GDA: variants seen among roughly 807,000 people sequenced by gnomAD.
GDA encodes the protein guanine deaminase.
In GDA, 18 loss-of-function variants were observed where a neutral mutation model predicts 59.6. The ratio of observed to expected loss-of-function variants is 0.30; its 90% CI spans 0.21 to 0.45. The LOEUF is 0.45. Ranked by LOEUF, GDA falls within the 20% of genes least tolerant of loss-of-function variation. The pLI is 1.00. For missense variants in GDA, 427 were observed against 552.3 expected (o/e 0.77, Z 2.27); for synonymous variants, 201 against 201.1 (o/e 1.00, Z 0.00).
chr9:72,258,203 C>T (rs1027610808), downstream of GDA, among the ~76,000 whole-genome samples: 3 of 151,584 alleles, frequency 2.0e-5, no homozygotes, highest in Non-Finnish European at 2.9e-5. Flanking sequence ...GTCTCAGCTG[C>T]TTGGGAGGCT....
chr9:72,236,980 A>C (rs929513582), intron 10 of GDA, among the ~76,000 whole-genome samples: 1 of 151,968 alleles, frequency 6.6e-6, no homozygotes, highest in African/African-American at 2.4e-5. Flanking sequence ...GGGTTTCAAC[A>C]TGTTGGTCAG....
chr9:72,149,822 C>A, intron 1 of GDA, 140 bp downstream of exon 1: 1 of 869,570 alleles, frequency 1.1e-6, no homozygotes, highest in Non-Finnish European at 1.7e-6. Context: ...GAGTCTTTGG[C>A]TCTTGGGCAA....
At chr9:72,136,271 A>C (rs2130633958) in intron 1 of GDA, among the ~76,000 whole-genome samples, 1 of 152,334 alleles carries the variant, frequency 6.6e-6, no homozygotes, top group East Asian at 1.9e-4. Flanking sequence ...TAAATTAACA[A>C]GGCTACAGAA....
chr9:72,192,320 G>A (rs757707878), intron 1 of GDA, among the ~76,000 whole-genome samples: 4 of 125,082 alleles, frequency 3.2e-5, no homozygotes, highest in Non-Finnish European at 6.2e-5. Flanking sequence ...TGCAACTTCT[G>A]CCTCCCGGGT....
intron 10 of GDA, among the ~76,000 whole-genome samples, chr9:72,236,893 C>A (rs1466839637): frequency 6.6e-6 from 1 of 151,504 alleles, no homozygotes; most frequent in Non-Finnish European, 1.5e-5. Flanking sequence ...GATTCTCCTG[C>A]CTCAGCCTCC....
chr9:72,238,126 C>A (rs1839224335), intron 10 of GDA, among the ~76,000 whole-genome samples: 1 of 152,152 alleles, frequency 6.6e-6, no homozygotes, highest in South Asian at 2.1e-4. Flanking sequence ...TGCCCAGCCT[C>A]ATCTCACACT....
At chr9:72,207,869 G>T (rs758154709) in intron 3 of GDA, among the ~76,000 whole-genome samples, 1 of 152,078 alleles carries the variant, frequency 6.6e-6, no homozygotes, top group African/African-American at 2.4e-5. Context: ...ACAACTTTGG[G>T]AGTCTGAGGG....
intron 5 of GDA, among the ~76,000 whole-genome samples, chr9:72,218,661 C>T (rs1346727536): frequency 6.6e-6 from 1 of 152,190 alleles, no homozygotes; most frequent in Admixed American, 6.5e-5. Context: ...CAACTCTCGC[C>T]TTTTCCTTCT....
At chr9:72,188,025 A>G (rs781699781) in intron 1 of GDA, among the ~76,000 whole-genome samples, 1 of 152,232 alleles carries the variant, frequency 6.6e-6, no homozygotes, top group Non-Finnish European at 1.5e-5. Flanking sequence ...ATTCAGGCTG[A>G]TGCATGGTTA....
At chr9:72,207,692 G>A (rs138015403) in intron 3 of GDA, among the ~76,000 whole-genome samples, 2 of 152,246 alleles carry the variant, frequency 1.3e-5, no homozygotes, top group Admixed American at 6.5e-5. Flanking sequence ...TCCTCTGCTG[G>A]TGGCCAGATC....
chr9:72,214,964 C>A (rs985224061), intron 5 of GDA: 1 of 172,864 alleles, frequency 5.8e-6, no homozygotes, highest in African/African-American at 2.4e-5. Context: ...GAACTCCTGA[C>A]CTCAGGTGAT....
chr9:72,199,787 C>T (rs1445793562), intron 2 of GDA, among the ~76,000 whole-genome samples: 1 of 152,102 alleles, frequency 6.6e-6, no homozygotes, highest in South Asian at 2.1e-4. Flanking sequence ...CTCTTCTTTA[C>T]TGTCCCTGAC....
At chr9:72,157,514 C>G in intron 1 of GDA, among the ~76,000 whole-genome samples, 1 of 152,298 alleles carries the variant, frequency 6.6e-6, no homozygotes, top group Admixed American at 6.5e-5. Context: ...CCTTTCCAGG[C>G]ACCCATATCA....
In GDA at chr9:72,250,160, C is replaced by T. The variant is rs1002056709; in HGVS notation, c.*1818C>T. Reference sequence around the variant, plus strand: ...GGCTAGCAAAAATCTTCAGCTTTATCACTCAACCCCTGCCAAAGGAACTTG... The same window carrying T: ...GGCTAGCAAAAATCTTCAGCTTTATTACTCAACCCCTGCCAAAGGAACTTG... On this transcript the variant is annotated 3_prime_UTR_variant, in exon 14 of 14. Transcript: ENST00000358399. The T allele has an allele frequency of 4.1e-6, 4 of 984,534 alleles. No individual in the cohort carries two copies. The highest frequency in any genetic ancestry group is 3.5e-5 in the African/African-American group (2 of 57,236). The allele number at this position is 984,534 out of a possible 1,614,324, so 61.0% of individuals were successfully genotyped here. A position where few individuals can be genotyped will look rare whatever the true frequency, so the allele number is the denominator to read the frequency against.
At chr9:72,163,906 A>G (rs1031808159) in intron 1 of GDA, among the ~76,000 whole-genome samples, 1 of 152,270 alleles carries the variant, frequency 6.6e-6, no homozygotes, top group South Asian at 2.1e-4. Flanking sequence ...CTTGCATAGA[A>G]TTACGTTCTT....
chr9:72,150,318 T>TACAC (rs112713655), intron 1 of GDA, among the ~76,000 whole-genome samples: 1 of 149,186 alleles, frequency 6.7e-6, no homozygotes, highest in East Asian at 2.0e-4. Context: ...CACACACGCG[T>TACAC]ACACACACAC....
At chr9:72,146,508 G>A (rs1331098030), upstream of GDA, among the ~76,000 whole-genome samples, 1 of 151,994 alleles carries the variant, frequency 6.6e-6, no homozygotes, top group Non-Finnish European at 1.5e-5. Flanking sequence ...TGCCACCTCC[G>A]AGAGTGGAGT....
intron 1 of GDA, among the ~76,000 whole-genome samples, chr9:72,142,254 T>C (rs190983544): frequency 3.3e-5 from 5 of 152,300 alleles, no homozygotes; most frequent in Admixed American, 2.0e-4. Context: ...ACTAGTTTTC[T>C]TGATACAATG....
Position 72,250,948 on chromosome 9 carries a change from G to A in GDA, c.*2606G>A. 2.3e-6 allele frequency: 2 copies of A among 858,866 alleles called. No homozygotes were observed. Among genetic ancestry groups the A allele is most frequent in the South Asian group, 1.5e-5 (1 of 64,914 alleles). 53.2% of individuals were successfully genotyped at this position (858,866 alleles called of 1,614,324 possible). A position where few individuals can be genotyped will look rare whatever the true frequency, so the allele number is the denominator to read the frequency against. On this transcript the variant is annotated 3_prime_UTR_variant, in exon 14 of 14. Transcript: ENST00000358399. The stretch of plus-strand genomic sequence containing the variant: ...TAAGGTAAATTTCATTTTCAAACGA[G>A]AGGGAAACATGGGAAGTAAAAGATT...
Sources: gnomAD v4.1 joint callset for allele counts (sites outside exome capture counted in the v4.1 genomes callset) on GRCh38, gnomAD v4.1.1 for gene constraint, MANE v1.5 for transcripts, NCBI Gene and HGNC (gene_info 2026-07-23, HGNC 2026-07-21) for gene names.